FBF1: variants seen among roughly 807,000 people sequenced by gnomAD.
FBF1 encodes the protein fas-binding factor 1.
FBF1 carries 119 observed loss-of-function variants against 147.2 expected under a neutral mutation model. That is an observed-to-expected ratio of 0.81 (90% confidence interval 0.70 to 0.94). FBF1 has a LOEUF of 0.94. Among genes scored for constraint, FBF1 ranks in the 40% least tolerant of loss-of-function variants. The probability of loss-of-function intolerance (pLI) is 0.00; values close to 1 mark genes in which losing one functional copy is unlikely to be tolerated. For synonymous variants in FBF1, 601 were observed against 609.0 expected (o/e 0.99, Z 0.19); for missense variants, 1,449 against 1,500.8 (o/e 0.97, Z 0.57).
At chr17:75,933,353 T>TG (rs2065605739) in intron 4 of FBF1, among the ~76,000 whole-genome samples, 1 of 151,800 alleles carries the variant, frequency 6.6e-6, no homozygotes, top group Admixed American at 6.6e-5. Flanking sequence ...CCCAAGGAAA[T>TG]GCATGAGGAA....
At chr17:75,929,945 A>AGGGGGCC in intron 7 of FBF1, 52 bp downstream of exon 7, 1 of 650,898 alleles carries the variant, frequency 1.5e-6, no homozygotes. Context: ...AAATATCATG[A>AGGGGGCC]CCCCACCCCA....
At position 75,914,148 on chromosome 17, in the gene FBF1, C is replaced by T. The variant is rs373679795; in HGVS notation, c.2965G>A (p.Ala989Thr). 10 of 1,601,948 alleles carry T rather than the reference C, an allele frequency of 6.2e-6. No homozygotes were observed. The highest frequency in any genetic ancestry group is 8.5e-6 in the Non-Finnish European group (10 of 1,176,814). ...NATALRVKLRAEEVESMSKVA... is the reference protein window; with the variant it reads ...NATALRVKLRTEEVESMSKVA... ...TTGCTCATGCTCTCCACCTCCTCGGCGCGGAGCTTGACACGCAGGGCGGTG... is the reference window on the plus strand; with the variant it reads ...TTGCTCATGCTCTCCACCTCCTCGGTGCGGAGCTTGACACGCAGGGCGGTG... The change falls in exon 26 of 30, where the codon GCC becomes ACC. Residue 989 changes from alanine to threonine, a missense_variant. Physicochemically the swap from Ala to Thr is moderately conservative, Grantham distance 58 (BLOSUM62 0). Coordinates refer to ENST00000636174, the MANE Select transcript of FBF1 (RefSeq NM_001319193.2).
chr17:75,914,692 T>C (rs2065476910), intron 25 of FBF1, 55 bp downstream of exon 25: 2 of 1,466,956 alleles, frequency 1.4e-6, no homozygotes, highest in Non-Finnish European at 1.8e-6. Context: ...TGTGTCCAGA[T>C]GGAGGGGCGC....
In FBF1 at chr17:75,938,058, C is replaced by T. The variant is rs759442154; in HGVS notation, c.3+89G>A. 3 of 1,576,130 alleles carry T rather than the reference C, an allele frequency of 1.9e-6. No homozygotes were observed. The African/African-American group carries it at 4.0e-5, about 21-fold the overall frequency. On this transcript the variant is annotated intron_variant, in intron 2 of 29. Coordinates refer to ENST00000636174, the MANE Select transcript of FBF1 (RefSeq NM_001319193.2). ...CATCCTGGTCCTTGCCGCCCAGCCC[C>T]CAGAGTGTTGCATGCAGTCAAGATC...
At chr17:75,929,964 C>CCCATTTTAAA in intron 7 of FBF1, 33 bp downstream of exon 7, 3 of 1,402,202 alleles carry the variant, frequency 2.1e-6, no homozygotes, top group South Asian at 1.2e-5. Context: ...CACCCACCCC[C>CCCATTTTAAA]AGTTCTAAGA....
Position 75,917,996 on chromosome 17 carries a change from G to C in FBF1, c.2321C>G (p.Ala774Gly), listed in dbSNP as rs370901090. Reference sequence around the variant, plus strand: ...CTCCTGGGAGGTGGTGAGGTGCGAGGCCTCCACGCGGGAGGACAACTCGTG... The same window carrying C: ...CTCCTGGGAGGTGGTGAGGTGCGAGCCCTCCACGCGGGAGGACAACTCGTG... Reference protein sequence around the residue: ...SLHELSSRVEASHLTTSQERE... With the variant: ...SLHELSSRVEGSHLTTSQERE... The change falls in exon 22 of 30, where the codon GCC becomes GGC. Residue 774 changes from alanine (A) to glycine (G), a missense_variant. Coordinates refer to ENST00000636174, the MANE Select transcript of FBF1 (RefSeq NM_001319193.2). 6.2e-6 allele frequency: 10 copies of C among 1,612,048 alleles called. No homozygotes were observed. Among genetic ancestry groups the C allele is most frequent in the Non-Finnish European group, 8.5e-6 (10 of 1,178,954 alleles).
chr17:75,917,145 C>T (rs1043347214), intron 23 of FBF1, among the ~76,000 whole-genome samples: 1 of 152,224 alleles, frequency 6.6e-6, no homozygotes, highest in Admixed American at 6.5e-5. Flanking sequence ...ACTTGCCTGG[C>T]ATAAAAAAAT....
rs1198298242 is a variant in FBF1 at position 75,921,558 on chromosome 17, G to A, written c.1529C>T (p.Ser510Phe). The A allele has an allele frequency of 6.2e-7, 1 of 1,605,354 alleles. No homozygotes were observed. The highest frequency in any genetic ancestry group is 8.5e-7 in the Non-Finnish European group (1 of 1,175,178). Residue 510 changes from serine (S) to phenylalanine (F), a missense_variant and splice_region_variant, in exon 16 of 30, where the codon TCC becomes TTC. Coordinates refer to ENST00000636174, the MANE Select transcript of FBF1 (RefSeq NM_001319193.2). ...GGCGGCATGGTTCTGAGTCACAGGG[G>A]ACCTGAGGACACAGGGATGGGGCAT... ...RPCVRPGVSG[S>F]PVTQNHAASA...
rs527868628 is a variant in FBF1 at position 75,922,172 on chromosome 17, C to T, written c.1425-126G>A. ...CCCCTTCCTCCTGCTTCCACCATCC[C>T]GTCTTGGGGCATTCTCCTCCCACGT... On this transcript the variant is annotated intron_variant, in intron 14 of 29. Transcript: ENST00000636174. This position sits in a 1 kb window ranked among gnomAD's most constrained non-coding sequence, Gnocchi z 5.0. 1,234 of 725,586 alleles carry T rather than the reference C, an allele frequency of 1.7e-3. 2 individuals carry two copies. The highest frequency in any genetic ancestry group is 2.3e-3 in the Non-Finnish European group (1,000 of 440,362). 44.9% of individuals were successfully genotyped at this position (725,586 alleles called of 1,614,324 possible). A position where few individuals can be genotyped will look rare whatever the true frequency, so the allele number is the denominator to read the frequency against.
In FBF1 at chr17:75,938,212, C is replaced by A. The variant is rs2065637144; in HGVS notation, c.-63G>T. 10 of 1,609,894 alleles carry A rather than the reference C, an allele frequency of 6.2e-6. No individual in the cohort carries two copies. Among genetic ancestry groups the A allele is most frequent in the Admixed American group, 1.7e-5 (1 of 59,660 alleles). ...CACTGGCCAGCTCATCTGGATTCTG[C>A]CCACATCAGGCTCATACTCCCTAAT... On this transcript the variant is annotated 5_prime_UTR_variant, in exon 2 of 30. Transcript: ENST00000636174.
Position 75,913,943 on chromosome 17 carries a change from C to A in FBF1, c.3099G>T (p.Arg1033=). The A allele has an allele frequency of 6.5e-7, 1 of 1,549,380 alleles. No homozygotes were observed. Among genetic ancestry groups the A allele is most frequent in the Non-Finnish European group, 8.7e-7 (1 of 1,152,912 alleles). ...RLQAVQQQQE[R]LRKQEQHMHQ... The stretch of plus-strand genomic sequence containing the variant: ...GCATGTGCTGCTCCTGCTTCCGCAG[C>A]CGCTCCTGCTGTTGCTGCACCGCCT... The change falls in exon 27 of 30, where the codon CGG becomes CGT. Residue 1033 remains arginine, a synonymous_variant. Transcript: ENST00000636174.
At chr17:75,935,602 A>G in intron 4 of FBF1, 30 bp downstream of exon 4, 1 of 1,533,144 alleles carries the variant, frequency 6.5e-7, no homozygotes, top group Non-Finnish European at 8.7e-7. Flanking sequence ...AGCAGCCCAA[A>G]TTAGGGGATT....
Position 75,930,065 on chromosome 17 carries a change from G to A in FBF1, c.229-18C>T. The A allele has an allele frequency of 6.4e-7, 1 of 1,552,560 alleles. No individual in the cohort carries two copies. The highest frequency in any genetic ancestry group is 2.3e-4 in the Middle Eastern group (1 of 4,400). ...CCTGAAACCTAAGTCCACAATGAGG[G>A]TGAGGACACAGATGAGGAGGCACAT... is the stretch of plus-strand genomic sequence containing the variant. On this transcript the variant is annotated intron_variant, in intron 6 of 29. Transcript: ENST00000636174.
chr17:75,933,647 T>C (rs942005249), intron 4 of FBF1, among the ~76,000 whole-genome samples: 5 of 152,144 alleles, frequency 3.3e-5, no homozygotes, highest in South Asian at 2.1e-4. Flanking sequence ...GGTTCCTTAA[T>C]AGACCAACAC....
chr17:75,935,416 C>G (rs1274573114), intron 4 of FBF1, among the ~76,000 whole-genome samples: 1 of 152,090 alleles, frequency 6.6e-6, no homozygotes, highest in African/African-American at 2.4e-5. Context: ...ATTGGCCCTC[C>G]TCCTCCTCCC....
Position 75,913,898 on chromosome 17 carries a change from C to G in FBF1, c.3129+15G>C. Reference sequence around the variant, plus strand: ...GTGCCGGGGGCAGGGGCGCCATACACTCAGGGAGCCTTGCCTGGTGCATGT... The same window carrying G: ...GTGCCGGGGGCAGGGGCGCCATACAGTCAGGGAGCCTTGCCTGGTGCATGT... On this transcript the variant is annotated intron_variant, in intron 27 of 29. Coordinates refer to ENST00000636174, the MANE Select transcript of FBF1 (RefSeq NM_001319193.2). 1 of 1,548,020 alleles carries G rather than the reference C, an allele frequency of 6.5e-7. No individual in the cohort carries two copies. Among genetic ancestry groups the G allele is most frequent in the South Asian group, 1.2e-5 (1 of 84,724 alleles).
At position 75,917,773 on chromosome 17, in the gene FBF1, T is replaced by A. The variant is rs1329594713; in HGVS notation, c.2464A>T (p.Met822Leu). Residue 822 changes from methionine to leucine, a missense_variant, in exon 23 of 30, where the codon ATG (methionine) becomes TTG (leucine). Coordinates refer to ENST00000636174, the MANE Select transcript of FBF1 (RefSeq NM_001319193.2). ...RSRQQEVIGKMEARLNEQSRL... is the reference protein window; with the variant it reads ...RSRQQEVIGKLEARLNEQSRL... ...CTCTGCTCATTCAGCCGTGCCTCCA[T>A]CTTCCCGATGACCTCCTGTTGCCGG... 7 of 1,610,472 alleles carry A rather than the reference T, an allele frequency of 4.3e-6. No homozygotes were observed. The highest frequency in any genetic ancestry group is 5.1e-6 in the Non-Finnish European group (6 of 1,179,150).
At chr17:75,921,177 T>C in intron 17 of FBF1, 67 bp downstream of exon 17, 1 of 1,484,388 alleles carries the variant, frequency 6.7e-7, no homozygotes, top group Non-Finnish European at 9.2e-7. Context: ...AAACTGTGGG[T>C]ATTGCCCCTG....
Position 75,918,561 on chromosome 17 carries a change from G to C in FBF1, c.2139-292C>G, listed in dbSNP as rs2065503628. 6.6e-6 allele frequency among the ~76,000 whole-genome samples: 1 copy of C among 151,990 alleles called. No homozygotes were observed. The highest frequency in any genetic ancestry group is 1.5e-5 in the Non-Finnish European group (1 of 67,984). On this transcript the variant is annotated intron_variant, in intron 20 of 29. Transcript: ENST00000636174. This position sits in a 1 kb window ranked among gnomAD's most constrained non-coding sequence, Gnocchi z 5.8. ...CGCCCAGGCTGGAGTTCAGTGGCAT[G>C]ATCTCGGCTCACTGCAACCTCTGCC...
Sources: allele counts gnomAD v4.1 joint callset (sites outside exome capture counted in the v4.1 genomes callset), GRCh38; gene constraint gnomAD v4.1.1; non-coding constraint Gnocchi (gnomAD v3.1); transcripts MANE v1.5; gene names NCBI Gene and HGNC (gene_info 2026-07-23, HGNC 2026-07-21).